The following PTPRK variants were observed in gnomAD, a reference collection of about 807,000 sequenced individuals.
The protein encoded by PTPRK is protein tyrosine phosphatase receptor type K, also known as receptor-type tyrosine-protein phosphatase kappa.
In PTPRK, 75 loss-of-function variants were observed where a neutral mutation model predicts 178.0. That is an observed-to-expected ratio of 0.42 (90% CI 0.35 to 0.51). PTPRK has a LOEUF of 0.51. Ranked by LOEUF, PTPRK falls within the 20% of genes least tolerant of loss-of-function variation. The probability of loss-of-function intolerance (pLI) is 0.02; values close to 1 mark genes in which losing one functional copy is unlikely to be tolerated. For missense variants in PTPRK, 1,441 were observed against 1,797.8 expected (o/e 0.80, Z 3.59); for synonymous variants, 637 against 620.6 (o/e 1.03, Z -0.39).
At chr6:128,393,924 C>T (rs1839952609) in intron 2 of PTPRK, among the ~76,000 whole-genome samples, 1 of 152,054 alleles carries the variant, frequency 6.6e-6, no homozygotes, top group African/African-American at 2.4e-5. Context: ...TTCAGCACAC[C>T]TCAAACTGTA....
chr6:128,320,287 G>A (rs1172634030), intron 3 of PTPRK, among the ~76,000 whole-genome samples: 1 of 152,100 alleles, frequency 6.6e-6, no homozygotes, highest in Non-Finnish European at 1.5e-5. Context: ...TGTGCCATGA[G>A]AAAATGTTAT....
intron 7 of PTPRK, among the ~76,000 whole-genome samples, chr6:128,155,978 C>T (rs1227997825): frequency 2.0e-5 from 3 of 151,870 alleles, no homozygotes; most frequent in African/African-American, 4.8e-5. Flanking sequence ...TTCTGCTGTC[C>T]ACCTATCCAT....
chr6:128,240,313 T>C (rs1472878225), intron 4 of PTPRK, among the ~76,000 whole-genome samples, 163 bp from the exon 5 acceptor site: 1 of 152,182 alleles, frequency 6.6e-6, no homozygotes, highest in East Asian at 1.9e-4. Context: ...GAAGACACCA[T>C]TTCCTCTGTG....
chr6:128,209,050 C>T (rs1310368352), intron 6 of PTPRK, among the ~76,000 whole-genome samples: 1 of 152,038 alleles, frequency 6.6e-6, no homozygotes, highest in African/African-American at 2.4e-5. Context: ...CCTAATCTCT[C>T]ATCCTTGACT....
intron 27 of PTPRK, among the ~76,000 whole-genome samples, chr6:127,976,315 TG>T (rs554997495): frequency 1.0e-3 from 154 of 152,298 alleles, no homozygotes; most frequent in African/African-American, 3.4e-3. Flanking sequence ...ATGCCATTTC[TG>T]GGCTGGATGT....
At chr6:128,392,378 AT>A (rs1456870456) in intron 2 of PTPRK, among the ~76,000 whole-genome samples, 1 of 152,206 alleles carries the variant, frequency 6.6e-6, no homozygotes, top group East Asian at 1.9e-4. Context: ...TTCAGTCATA[AT>A]TTTAAATACT....
At chr6:128,001,684 G>A (rs1777848572) in intron 15 of PTPRK, among the ~76,000 whole-genome samples, 1 of 151,736 alleles carries the variant, frequency 6.6e-6, no homozygotes, top group South Asian at 2.1e-4. Context: ...GGTATGGTAG[G>A]AATTATTATA....
intron 1 of PTPRK, among the ~76,000 whole-genome samples, chr6:128,428,100 A>G (rs933627182): frequency 2.0e-5 from 3 of 152,158 alleles, no homozygotes; most frequent in African/African-American, 7.2e-5. Context: ...TCGAAAAAAA[A>G]GAAAAAAAAA....
chr6:128,430,716 T>C (rs950654253), intron 1 of PTPRK, among the ~76,000 whole-genome samples: 1 of 152,082 alleles, frequency 6.6e-6, no homozygotes, highest in African/African-American at 2.4e-5. Flanking sequence ...CAGGAATTGG[T>C]CATAGCAAAA....
intron 5 of PTPRK, among the ~76,000 whole-genome samples, chr6:128,237,198 C>G (rs1813449752): frequency 1.3e-5 from 2 of 152,116 alleles, no homozygotes; most frequent in Admixed American, 1.3e-4. Context: ...GTTACTTTAG[C>G]CCATATTTAG....
intron 7 of PTPRK, among the ~76,000 whole-genome samples, chr6:128,135,114 A>ACT (rs1554309257): frequency 2.0e-5 from 3 of 149,644 alleles, no homozygotes; most frequent in African/African-American, 7.4e-5. Context: ...ACACACACAC[A>ACT]CTCTCCTAAT....
At chr6:128,013,133 T>C (rs1022060906) in intron 13 of PTPRK, among the ~76,000 whole-genome samples, 2 of 151,412 alleles carry the variant, frequency 1.3e-5, no homozygotes, top group Non-Finnish European at 3.0e-5. Context: ...GTCTACTCCC[T>C]CTTTCTTGGA....
intron 2 of PTPRK, among the ~76,000 whole-genome samples, chr6:128,367,656 G>A (rs1262686230): frequency 6.6e-6 from 1 of 152,076 alleles, no homozygotes; most frequent in Admixed American, 6.6e-5. Flanking sequence ...TCAAGTGTTG[G>A]CACAAGGCCA....
chr6:128,304,978 A>G (rs926401649), intron 3 of PTPRK, among the ~76,000 whole-genome samples: 1 of 152,224 alleles, frequency 6.6e-6, no homozygotes, highest in South Asian at 2.1e-4. Context: ...GTTCTCTGGC[A>G]TGCCTATTTT....
At chr6:128,332,015 T>C (rs1360390672) in intron 2 of PTPRK, among the ~76,000 whole-genome samples, 1 of 148,442 alleles carries the variant, frequency 6.7e-6, no homozygotes, top group African/African-American at 2.5e-5. Context: ...ACAAAAAAAC[T>C]AAAATGAAAG....
chr6:128,092,782 T>C (rs184138173), intron 7 of PTPRK, among the ~76,000 whole-genome samples: 4 of 152,306 alleles, frequency 2.6e-5, no homozygotes, highest in Admixed American at 2.0e-4. Context: ...GTTGCCTAAA[T>C]TATTGACCTT....
intron 5 of PTPRK, among the ~76,000 whole-genome samples, chr6:128,239,123 T>C (rs1264813120): frequency 2.1e-5 from 3 of 140,090 alleles, no homozygotes. Flanking sequence ...TAAACTCATC[T>C]TGTTTTTTTT....
chr6:128,053,211 T>TTTTC (rs140894561), intron 13 of PTPRK, among the ~76,000 whole-genome samples: 17,266 of 151,426 alleles, frequency 0.11, 2,949 homozygotes, highest in African/African-American at 0.37. Context: ...CACCTGTGTT[T>TTTTC]TTTAACTTTC....
At chr6:128,148,543 G>A (rs959796271) in intron 7 of PTPRK, among the ~76,000 whole-genome samples, 1 of 152,070 alleles carries the variant, frequency 6.6e-6, no homozygotes, top group Non-Finnish European at 1.5e-5. Context: ...GGACAGAAAT[G>A]TTCCTCTATA....
Sources: allele counts gnomAD v4.1 joint callset (sites outside exome capture counted in the v4.1 genomes callset), GRCh38; gene constraint gnomAD v4.1.1; transcripts MANE v1.5; gene names NCBI Gene and HGNC (gene_info 2026-07-23, HGNC 2026-07-21).